RHEB: variants seen among roughly 807,000 people sequenced by gnomAD.
The protein encoded by RHEB is Ras homolog, mTORC1 binding.
In RHEB, 2 loss-of-function variants were observed where a neutral mutation model predicts 28.8. That is an observed-to-expected ratio of 0.07 (90% CI 0.03 to 0.22). The LOEUF (loss-of-function observed/expected upper bound fraction) is 0.22, where lower values mean the gene tolerates loss of function less well. Among genes scored for constraint, RHEB ranks in the 10% least tolerant of loss-of-function variants. The probability of loss-of-function intolerance (pLI) is 1.00; values close to 1 mark genes in which losing one functional copy is unlikely to be tolerated. For missense variants in RHEB, 76 were observed against 219.9 expected (o/e 0.35, Z 4.14); for synonymous variants, 69 against 77.3 (o/e 0.89, Z 0.56).
chr7:151,500,196 T>C lies in RHEB; in HGVS notation c.53-9182A>G, dbSNP rs992008566. On this transcript the variant is annotated intron_variant, in intron 1 of 7. Transcript: ENST00000262187. Reference sequence around the variant, plus strand: ...AGAGTGACATGAGAAGATGAAACATTAGGAAGATGAGAATGTGACTCTGAA... The same window carrying C: ...AGAGTGACATGAGAAGATGAAACATCAGGAAGATGAGAATGTGACTCTGAA... 5.9e-5 allele frequency among the ~76,000 whole-genome samples: 9 copies of C among 152,062 alleles called. No individual in the cohort carries two copies. The South Asian group carries it at 1.7e-3, about 28-fold the overall frequency.
At chr7:151,507,470 A>G (rs898650129) in intron 1 of RHEB, among the ~76,000 whole-genome samples, 1 of 152,194 alleles carries the variant, frequency 6.6e-6, no homozygotes, top group African/African-American at 2.4e-5. Context: ...ACCAATCCCC[A>G]CATGTCCGTC....
intron 7 of RHEB, 140 bp downstream of exon 7, chr7:151,470,431 C>T (rs1281970447): frequency 3.5e-6 from 2 of 566,162 alleles, no homozygotes; most frequent in Non-Finnish European, 6.4e-6. Flanking sequence ...TAAAGCAACA[C>T]AAAACTTGGT....
intron 2 of RHEB, among the ~76,000 whole-genome samples, chr7:151,490,355 GA>G (rs1178864058): frequency 6.6e-6 from 1 of 152,210 alleles, no homozygotes; most frequent in Non-Finnish European, 1.5e-5. Flanking sequence ...GATTAAAATT[GA>G]ACAAAGTAAA....
intron 1 of RHEB, among the ~76,000 whole-genome samples, chr7:151,504,517 T>C (rs1230570580): frequency 6.6e-6 from 1 of 152,128 alleles, no homozygotes; most frequent in African/African-American, 2.4e-5. Flanking sequence ...TTGCATTTGG[T>C]TGAGGAAAAA....
chr7:151,476,757 T>C (rs890960445), intron 4 of RHEB, among the ~76,000 whole-genome samples: 3 of 152,214 alleles, frequency 2.0e-5, no homozygotes, highest in Non-Finnish European at 4.4e-5. Context: ...TCCGCTGCTG[T>C]ATACAGCCAG....
chr7:151,474,804 G>C (rs1338725555), intron 4 of RHEB, among the ~76,000 whole-genome samples: 1 of 152,104 alleles, frequency 6.6e-6, no homozygotes, highest in Non-Finnish European at 1.5e-5. Flanking sequence ...TTTAGATAGA[G>C]GTTAAATTCA....
At chr7:151,501,774 T>C (rs117450481) in intron 1 of RHEB, 5,312 of 281,184 alleles carry the variant, frequency 0.019, 81 homozygotes, top group Non-Finnish European at 0.03. Context: ...ACGGGCCCCA[T>C]GTGAGCGCAC....
At chr7:151,471,749 T>A in intron 4 of RHEB, 144 bp from the exon 5 acceptor site, 1 of 611,892 alleles carries the variant, frequency 1.6e-6, no homozygotes, top group Non-Finnish European at 2.9e-6. Context: ...AACTCCTGTT[T>A]TTTCCTAGCA....
At chr7:151,505,868 GCTAA>G (rs1270437512) in intron 1 of RHEB, among the ~76,000 whole-genome samples, 2 of 152,104 alleles carry the variant, frequency 1.3e-5, no homozygotes, top group African/African-American at 2.4e-5. Flanking sequence ...AAAACATTAT[GCTAA>G]CTGACATACA....
At chr7:151,488,829 T>C (rs938930227) in intron 2 of RHEB, among the ~76,000 whole-genome samples, 2 of 152,220 alleles carry the variant, frequency 1.3e-5, no homozygotes, top group South Asian at 2.1e-4. Context: ...TATTACTCTG[T>C]TTCTGAGATA....
intron 4 of RHEB, among the ~76,000 whole-genome samples, chr7:151,476,981 C>T (rs1260162999): frequency 2.6e-5 from 4 of 152,170 alleles, no homozygotes; most frequent in African/African-American, 9.7e-5. Context: ...ACCCAAACCC[C>T]CACATTTTAT....
At chr7:151,499,411 G>A (rs939572755) in intron 1 of RHEB, among the ~76,000 whole-genome samples, 2 of 152,156 alleles carry the variant, frequency 1.3e-5, no homozygotes, top group African/African-American at 4.8e-5. Flanking sequence ...AGGAAAGGAA[G>A]AAACAGGAGA....
chr7:151,477,013 A>G (rs1203461379), intron 4 of RHEB, among the ~76,000 whole-genome samples: 2 of 152,256 alleles, frequency 1.3e-5, no homozygotes, highest in Non-Finnish European at 2.9e-5. Context: ...TTTCACCTTA[A>G]TATGGTAAAA....
intron 4 of RHEB, among the ~76,000 whole-genome samples, chr7:151,473,649 T>C (rs188001390): frequency 7.2e-5 from 11 of 152,228 alleles, no homozygotes. Flanking sequence ...AAAACACCAC[T>C]CTTCTCATAC....
chr7:151,501,886 C>T (rs371010778), intron 1 of RHEB: 227 of 660,272 alleles, frequency 3.4e-4, no homozygotes, highest in African/African-American at 3.0e-3. Flanking sequence ...AGATGGTGGA[C>T]GACCCCAGTG....
chr7:151,514,645 G>T (rs562332898), intron 1 of RHEB, among the ~76,000 whole-genome samples: 1 of 152,172 alleles, frequency 6.6e-6, no homozygotes, highest in Non-Finnish European at 1.5e-5. Flanking sequence ...TAACCATAAT[G>T]ACCCAGCAAT....
intron 4 of RHEB, 143 bp downstream of exon 4, chr7:151,477,190 A>G (rs1304854762): frequency 6.3e-6 from 4 of 636,040 alleles, no homozygotes; most frequent in Admixed American, 3.3e-5. Flanking sequence ...CCAGCAATCC[A>G]GTTGCTCCAC....
At chr7:151,518,707 G>C (rs1052966554) in intron 1 of RHEB, among the ~76,000 whole-genome samples, 1 of 152,072 alleles carries the variant, frequency 6.6e-6, no homozygotes, top group Non-Finnish European at 1.5e-5. Context: ...GGAAGAAAAA[G>C]AAAACAAAAA....
At chr7:151,491,045 T>C (rs770398516) in intron 1 of RHEB, 31 bp from the exon 2 acceptor site, 6 of 1,549,718 alleles carry the variant, frequency 3.9e-6, no homozygotes, top group South Asian at 3.4e-5. Flanking sequence ...TTAGTGTGTG[T>C]TGGCATATGA....
Sources: allele counts gnomAD v4.1 joint callset (sites outside exome capture counted in the v4.1 genomes callset), GRCh38; gene constraint gnomAD v4.1.1; transcripts MANE v1.5; gene names NCBI Gene and HGNC (gene_info 2026-07-23, HGNC 2026-07-21).